OLFM3: variants seen among roughly 807,000 people sequenced by gnomAD.
OLFM3 encodes the protein olfactomedin 3.
Under a neutral mutation model 48.6 loss-of-function variants are expected in OLFM3, and 20 were observed. That is an observed-to-expected ratio of 0.41 (90% confidence interval 0.29 to 0.60). The LOEUF is 0.60. OLFM3 is among the 20% of genes least tolerant of loss of function. The pLI is 0.28. For synonymous variants in OLFM3, 222 were observed against 198.1 expected, an observed-to-expected ratio of 1.12 and a Z score of -1.01; for missense variants, 437 against 544.3, an observed-to-expected ratio of 0.80 and a Z score of 1.96.
At chr1:101,875,969 GC>G (rs1275706535) in intron 1 of OLFM3, among the ~76,000 whole-genome samples, 4 of 152,006 alleles carry the variant, frequency 2.6e-5, no homozygotes, top group Admixed American at 6.6e-5. Flanking sequence ...TAAATGACTG[GC>G]TTGCTCATGC....
intron 1 of OLFM3, among the ~76,000 whole-genome samples, chr1:101,889,602 G>A (rs987626485): frequency 6.6e-6 from 1 of 151,998 alleles, no homozygotes; most frequent in East Asian, 1.9e-4. Flanking sequence ...GTATACATAT[G>A]TAACAAACCT....
At chr1:101,823,954 CTGA>C (rs1285109690) in intron 4 of OLFM3, among the ~76,000 whole-genome samples, 1 of 150,136 alleles carries the variant, frequency 6.7e-6, no homozygotes, top group Non-Finnish European at 1.5e-5. Context: ...GCTGTGATAA[CTGA>C]ATGCAACATT....
chr1:101,864,193 A>G (rs945441528), intron 1 of OLFM3, among the ~76,000 whole-genome samples: 1 of 151,942 alleles, frequency 6.6e-6, no homozygotes, highest in Non-Finnish European at 1.5e-5. Context: ...TCTGGTTCAT[A>G]TCCTTTTTTT....
At chr1:101,890,043 T>G (rs185175274) in intron 1 of OLFM3, among the ~76,000 whole-genome samples, 1 of 152,046 alleles carries the variant, frequency 6.6e-6, no homozygotes, top group Non-Finnish European at 1.5e-5. Flanking sequence ...GTTGAAGTCT[T>G]AAATATGACA....
intron 1 of OLFM3, among the ~76,000 whole-genome samples, chr1:101,926,421 AAGCCTTTG>A (rs1659272125): frequency 1.3e-5 from 2 of 152,276 alleles, no homozygotes; most frequent in Middle Eastern, 3.4e-3. Context: ...ATATTCACGC[AAGCCTTTG>A]ATAGATCAAT....
At chr1:101,882,328 T>TA (rs1451156232) in intron 1 of OLFM3, among the ~76,000 whole-genome samples, 30 of 100,680 alleles carry the variant, frequency 3.0e-4, no homozygotes, top group African/African-American at 9.4e-4. Context: ...TATATATATA[T>TA]ATAATATATA....
Position 101,836,218 on chromosome 1 carries a change from G to A in OLFM3, c.216+661C>T, listed in dbSNP as rs576953904. On this transcript the variant is annotated intron_variant, in intron 2 of 5. Coordinates refer to ENST00000370103, the MANE Select transcript of OLFM3 (RefSeq NM_058170.4). ...AGAGCCCAGCACAGTGAAAGTCTGAGTGAGAATATTTGACAGAACGATTCA... is the reference window on the plus strand; with the variant it reads ...AGAGCCCAGCACAGTGAAAGTCTGAATGAGAATATTTGACAGAACGATTCA... Among the ~76,000 whole-genome samples, 118 of 152,304 alleles carry A rather than the reference G, an allele frequency of 7.7e-4. 3 individuals are homozygous for A. In the South Asian group the frequency reaches 0.024, roughly 31 times the overall value.
chr1:101,909,954 A>C, intron 1 of OLFM3: 2 of 985,204 alleles, frequency 2.0e-6, no homozygotes. Context: ...TCATCCAATA[A>C]TCTTCAAGGT....
At chr1:101,873,136 G>T (rs1208689153) in intron 1 of OLFM3, among the ~76,000 whole-genome samples, 1 of 151,836 alleles carries the variant, frequency 6.6e-6, no homozygotes, top group Non-Finnish European at 1.5e-5. Context: ...TAAACATGAA[G>T]AAGAACTGAA....
At chr1:101,957,491 T>C (rs964950192) in intron 1 of OLFM3, among the ~76,000 whole-genome samples, 2 of 151,866 alleles carry the variant, frequency 1.3e-5, no homozygotes, top group African/African-American at 4.8e-5. Context: ...TCAAGAGAAA[T>C]GGAAAGGGAC....
chr1:101,848,440 T>G (rs565156111), intron 1 of OLFM3, among the ~76,000 whole-genome samples: 1 of 152,174 alleles, frequency 6.6e-6, no homozygotes, highest in Non-Finnish European at 1.5e-5. Context: ...AAAAACAGCT[T>G]TAAACTGGGG....
At chr1:101,974,263 T>C (rs754211785) in intron 1 of OLFM3, among the ~76,000 whole-genome samples, 2 of 152,194 alleles carry the variant, frequency 1.3e-5, no homozygotes, top group African/African-American at 2.4e-5. Context: ...CATTCGTGTC[T>C]GTGGAAGAAA....
At chr1:101,888,503 G>C (rs1657861352) in intron 1 of OLFM3, among the ~76,000 whole-genome samples, 1 of 152,164 alleles carries the variant, frequency 6.6e-6, no homozygotes, top group Admixed American at 6.5e-5. Flanking sequence ...ATTAATTCAA[G>C]ATGGATTCCA....
intron 1 of OLFM3, among the ~76,000 whole-genome samples, chr1:101,840,864 T>C (rs1655685873): frequency 6.6e-6 from 1 of 152,208 alleles, no homozygotes; most frequent in Non-Finnish European, 1.5e-5. Context: ...AGGGTACATA[T>C]AGTTTAGTGG....
intron 1 of OLFM3, among the ~76,000 whole-genome samples, chr1:101,908,653 A>T (rs1228656953): frequency 6.6e-6 from 1 of 152,180 alleles, no homozygotes; most frequent in Admixed American, 6.5e-5. Context: ...GGATCTGTGG[A>T]GATGTAATTA....
Position 101,827,479 on chromosome 1 carries a change from G to A in OLFM3, c.373-2234C>T, listed in dbSNP as rs61806271. On this transcript the variant is annotated intron_variant, in intron 3 of 5. Coordinates refer to ENST00000370103, the MANE Select transcript of OLFM3 (RefSeq NM_058170.4). ...GGACTACAAGCGCCTGCCACCACAC[G>A]CAGCTAAGTTTTTGTATTTTTAGTA... Among the ~76,000 whole-genome samples, 4 of 152,056 alleles carry A rather than the reference G, an allele frequency of 2.6e-5. No individual in the cohort carries two copies. The East Asian group carries it at 7.7e-4, about 29-fold the overall frequency.
chr1:101,835,439 T>C (rs1655356032), intron 2 of OLFM3, among the ~76,000 whole-genome samples: 1 of 152,160 alleles, frequency 6.6e-6, no homozygotes, highest in African/African-American at 2.4e-5. Context: ...TTCAGCCTCC[T>C]GAGTAGCTGG....
chr1:101,878,064 GT>G (rs1657373409), intron 1 of OLFM3, among the ~76,000 whole-genome samples: 18 of 151,904 alleles, frequency 1.2e-4, no homozygotes, highest in African/African-American at 4.3e-4. Context: ...TCACCCGCAT[GT>G]CCTAGAGAAG....
At chr1:101,864,422 C>A (rs1656779143) in intron 1 of OLFM3, among the ~76,000 whole-genome samples, 1 of 152,106 alleles carries the variant, frequency 6.6e-6, no homozygotes, top group South Asian at 2.1e-4. Context: ...TCCTTACATC[C>A]ATTTTTGTCA....
Sources: gnomAD v4.1 joint callset for allele counts (sites outside exome capture counted in the v4.1 genomes callset) on GRCh38, gnomAD v4.1.1 for gene constraint, MANE v1.5 for transcripts, NCBI Gene and HGNC (gene_info 2026-07-23, HGNC 2026-07-21) for gene names.